KIAA1549L: variants seen among roughly 807,000 people sequenced by gnomAD.
The protein encoded by KIAA1549L is UPF0606 protein KIAA1549L.
In KIAA1549L, 88 loss-of-function variants were observed where a neutral mutation model predicts 160.7. The ratio of observed to expected loss-of-function variants is 0.55; its 90% CI spans 0.46 to 0.65. KIAA1549L has a LOEUF of 0.65. Ranked by LOEUF, KIAA1549L falls within the 30% of genes least tolerant of loss-of-function variation. The probability of loss-of-function intolerance (pLI) is 0.00; values close to 1 mark genes in which losing one functional copy is unlikely to be tolerated. For missense variants in KIAA1549L, 2,258 were observed against 2,437.5 expected, an observed-to-expected ratio of 0.93 and a Z score of 1.55; for synonymous variants, 950 against 976.7, an observed-to-expected ratio of 0.97 and a Z score of 0.51.
intron 1 of KIAA1549L, among the ~76,000 whole-genome samples, chr11:33,448,547 G>A (rs1851660899): frequency 6.6e-6 from 1 of 152,112 alleles, no homozygotes; most frequent in Non-Finnish European, 1.5e-5. Flanking sequence ...CAGTAGAGGA[G>A]GCTGCAGGTC....
At chr11:33,382,056 C>T (rs11822933) in intron 1 of KIAA1549L, among the ~76,000 whole-genome samples, 17,575 of 151,884 alleles carry the variant, frequency 0.12, 1,724 homozygotes, top group African/African-American at 0.27. Context: ...AATTCTAGGG[C>T]GATAACAGGT....
chr11:33,469,358 A>G (rs987074617), intron 1 of KIAA1549L, among the ~76,000 whole-genome samples: 7 of 152,340 alleles, frequency 4.6e-5, no homozygotes, highest in African/African-American at 1.7e-4. Flanking sequence ...AACAAATATC[A>G]GTACTTTACT....
In KIAA1549L at chr11:33,589,874, T is replaced by A. The variant is rs564507412; in HGVS notation, c.4567-1363T>A. 2.6e-5 allele frequency among the ~76,000 whole-genome samples: 4 copies of A among 152,256 alleles called. No individual in the cohort carries two copies. The East Asian group carries it at 7.7e-4, about 29-fold the overall frequency. On this transcript the variant is annotated intron_variant, in intron 11 of 20. Coordinates refer to ENST00000658780, the MANE Select transcript of KIAA1549L (RefSeq NM_012194.3). ...CATGTATACATATGTAACCTGCATG[T>A]TTTGCACATGTACCCTAAAACTTAA...
chr11:33,638,188 T>C (rs1270170708), intron 16 of KIAA1549L, among the ~76,000 whole-genome samples: 1 of 152,150 alleles, frequency 6.6e-6, no homozygotes, highest in Non-Finnish European at 1.5e-5. Flanking sequence ...TACACCCTTA[T>C]AACCACCAGA....
chr11:33,607,411 C>A (rs939392333), intron 14 of KIAA1549L, among the ~76,000 whole-genome samples: 1 of 152,124 alleles, frequency 6.6e-6, no homozygotes, highest in African/African-American at 2.4e-5. Flanking sequence ...GTGATGATTT[C>A]ATCAAAGAAA....
At position 33,465,149 on chromosome 11, in the gene KIAA1549L, AG is replaced by A. The variant is rs1279061778; in HGVS notation, c.239-76651del. On this transcript the variant is annotated intron_variant, in intron 1 of 20. Coordinates refer to ENST00000658780, the MANE Select transcript of KIAA1549L (RefSeq NM_012194.3). ...TGGCTCACTGCAACCTCCGCCTCCCAGGCTCAAGTGATTCTCCTGCCTCAGC... is the reference window on the plus strand; with the variant it reads ...TGGCTCACTGCAACCTCCGCCTCCCAGCTCAAGTGATTCTCCTGCCTCAGC... Among the ~76,000 whole-genome samples, 11 of 131,482 alleles carry A rather than the reference AG, an allele frequency of 8.4e-5. No individual in the cohort carries two copies. In the East Asian group the frequency reaches 2.5e-3, roughly 30 times the overall value. 86.3% of individuals were successfully genotyped at this position (131,482 alleles called of 152,430 possible).
chr11:33,500,273 G>C (rs940430978), intron 1 of KIAA1549L, among the ~76,000 whole-genome samples: 1 of 152,142 alleles, frequency 6.6e-6, no homozygotes, highest in African/African-American at 2.4e-5. Flanking sequence ...TTGAATCTAG[G>C]ACTTTCTGGC....
chr11:33,606,934 G>A (rs2133323133), intron 14 of KIAA1549L, 112 bp downstream of exon 14: 1 of 870,436 alleles, frequency 1.1e-6, no homozygotes, highest in South Asian at 1.9e-5. Context: ...GGCCGTATAG[G>A]TCATTTTTAC....
chr11:33,429,455 C>T (rs1045382756), intron 1 of KIAA1549L, among the ~76,000 whole-genome samples: 1 of 152,172 alleles, frequency 6.6e-6, no homozygotes, highest in Non-Finnish European at 1.5e-5. Context: ...TCCAGGGTTG[C>T]TCTTATCGAG....
At chr11:33,587,899 A>G (rs1277989023) in intron 11 of KIAA1549L, among the ~76,000 whole-genome samples, 1 of 152,212 alleles carries the variant, frequency 6.6e-6, no homozygotes, top group Non-Finnish European at 1.5e-5. Flanking sequence ...GAGCCAGGCC[A>G]TGTACGGCAG....
At chr11:33,653,996 G>T (rs977150360) in intron 17 of KIAA1549L, among the ~76,000 whole-genome samples, 2 of 149,088 alleles carry the variant, frequency 1.3e-5, no homozygotes, top group African/African-American at 2.5e-5. Context: ...ATTTTTAGAC[G>T]GAGTCTTGCT....
chr11:33,593,727 TG>T (rs745671040), intron 12 of KIAA1549L, among the ~76,000 whole-genome samples: 4 of 152,152 alleles, frequency 2.6e-5, no homozygotes, highest in Non-Finnish European at 4.4e-5. Flanking sequence ...AGAAGTAGTT[TG>T]TAGGGGATGG....
At chr11:33,496,848 C>T (rs1590288880) in intron 1 of KIAA1549L, among the ~76,000 whole-genome samples, 1 of 152,164 alleles carries the variant, frequency 6.6e-6, no homozygotes, top group Admixed American at 6.5e-5. Context: ...ACTCCTTCTG[C>T]CTCCTTTCTA....
At chr11:33,635,368 A>T (rs1271140033) in intron 16 of KIAA1549L, among the ~76,000 whole-genome samples, 1 of 152,138 alleles carries the variant, frequency 6.6e-6, no homozygotes, top group African/African-American at 2.4e-5. Flanking sequence ...TGAAACCCCC[A>T]CTCGGTCTCT....
At chr11:33,655,758 A>G (rs1406442048) in intron 17 of KIAA1549L, among the ~76,000 whole-genome samples, 2 of 152,218 alleles carry the variant, frequency 1.3e-5, no homozygotes, top group African/African-American at 2.4e-5. Flanking sequence ...GAAAAGCCCA[A>G]GGTGAGACAG....
chr11:33,453,374 G>A (rs372965520), intron 1 of KIAA1549L, among the ~76,000 whole-genome samples: 2 of 152,296 alleles, frequency 1.3e-5, no homozygotes, highest in South Asian at 2.1e-4. Flanking sequence ...TGGGGTGGGG[G>A]ATGCCTCAAG....
intron 9 of KIAA1549L, among the ~76,000 whole-genome samples, chr11:33,568,935 G>T (rs1221862892): frequency 2.0e-5 from 3 of 152,180 alleles, no homozygotes; most frequent in African/African-American, 7.2e-5. Flanking sequence ...TGGTTCTCTT[G>T]GCTGGGAGAA....
At chr11:33,616,965 C>A (rs529737506) in intron 15 of KIAA1549L, among the ~76,000 whole-genome samples, 2 of 151,950 alleles carry the variant, frequency 1.3e-5, no homozygotes, top group South Asian at 4.2e-4. Flanking sequence ...ATGGTGAAAC[C>A]CTGTCTCTAC....
At chr11:33,633,139 CTTTTTTTTTTTTTTT>C (rs56310347) in intron 16 of KIAA1549L, among the ~76,000 whole-genome samples, 10 of 50,716 alleles carry the variant, frequency 2.0e-4, no homozygotes, top group Non-Finnish European at 3.0e-4. Context: ...CCATGCCCAG[CTTTTTTTTTTTTTTT>C]TTTTTTTTTT....
Sources: allele counts gnomAD v4.1 joint callset (sites outside exome capture counted in the v4.1 genomes callset), GRCh38; gene constraint gnomAD v4.1.1; transcripts MANE v1.5; gene names NCBI Gene and HGNC (gene_info 2026-07-23, HGNC 2026-07-21).